The following NCOA1 variants were observed in gnomAD, a reference collection of about 807,000 sequenced individuals.
The protein encoded by NCOA1 is Hin-2 protein.
In NCOA1, 35 loss-of-function variants were observed where a neutral mutation model predicts 150.9. That is an observed-to-expected ratio of 0.23 (90% confidence interval 0.18 to 0.31). The LOEUF (loss-of-function observed/expected upper bound fraction) is 0.31. Among genes scored for constraint, NCOA1 ranks in the 10% least tolerant of loss-of-function variants. The pLI is 1.00. For synonymous variants in NCOA1, 590 were observed against 630.0 expected, an observed-to-expected ratio of 0.94 and a Z score of 0.95; for missense variants, 1,491 against 1,749.3, an observed-to-expected ratio of 0.85 and a Z score of 2.63.
At position 24,758,175 on chromosome 2, in the gene NCOA1, A is replaced by G. The variant is rs1664596703; in HGVS notation, c.4065+19A>G. The G allele has an allele frequency of 1.3e-6, 2 of 1,597,216 alleles. No homozygotes were observed. Among genetic ancestry groups the G allele is most frequent in the African/African-American group, 2.7e-5 (2 of 74,806 alleles). The stretch of plus-strand genomic sequence containing the variant: ...TGAGCAGGTAAGTGGCACACTCGCC[A>G]CACACATGCCACACCACATCACAGT... On this transcript the variant is annotated intron_variant, in intron 21 of 22. Coordinates refer to ENST00000348332, the MANE Select transcript of NCOA1 (RefSeq NM_003743.5).
chr2:24,516,186 CTTTTTT>C (rs755818385), intron 1 of NCOA1, among the ~76,000 whole-genome samples: 4 of 92,986 alleles, frequency 4.3e-5, no homozygotes, highest in Non-Finnish European at 8.0e-5. Flanking sequence ...TAGGTTTTGC[CTTTTTT>C]TTTTTTTTTT....
At chr2:24,558,725 G>A (rs976168955) in intron 1 of NCOA1, among the ~76,000 whole-genome samples, 1 of 152,178 alleles carries the variant, frequency 6.6e-6, no homozygotes. Flanking sequence ...CACCAAATTA[G>A]GAGACAGGAG....
rs368992802 is a variant in NCOA1, at chr2:24,619,680, G to T, written c.-174-24286G>T. The stretch of plus-strand genomic sequence containing the variant: ...ATACTTATGGTGTAATTATTTGGTC[G>T]GGGCAGGGGGACAGATTGGTTTTGA... On this transcript the variant is annotated intron_variant, in intron 3 of 22. Coordinates refer to ENST00000348332, the MANE Select transcript of NCOA1 (RefSeq NM_003743.5). Among the ~76,000 whole-genome samples the T allele has an allele frequency of 1.2e-4, 19 of 152,206 alleles. No individual in the cohort carries two copies. In the East Asian group the frequency reaches 2.3e-3, roughly 19 times the overall value.
At chr2:24,581,179 G>A (rs1394608586) in intron 2 of NCOA1, among the ~76,000 whole-genome samples, 1 of 152,206 alleles carries the variant, frequency 6.6e-6, no homozygotes, top group African/African-American at 2.4e-5. Context: ...GATGGTGAAA[G>A]GCCTGACTCT....
intron 2 of NCOA1, among the ~76,000 whole-genome samples, chr2:24,578,884 G>A (rs1438496080): frequency 1.3e-5 from 2 of 152,088 alleles, no homozygotes; most frequent in African/African-American, 4.8e-5. Context: ...GGCCAACAGT[G>A]AAAATTTTGA....
intron 5 of NCOA1, among the ~76,000 whole-genome samples, chr2:24,660,112 CAAGT>C (rs1379563487): frequency 6.6e-6 from 1 of 152,058 alleles, no homozygotes; most frequent in East Asian, 1.9e-4. Flanking sequence ...CTCATAATCA[CAAGT>C]AAGTGTCCAG....
rs200963004 is a variant in NCOA1, at chr2:24,691,673, G to C, written c.712+13G>C. ...GAGGATGGAGAAGGTAAAGCCAAAC[G>C]GTCTTTTTAAAGTGTTTATTTCTTC... is the stretch of plus-strand genomic sequence containing the variant. On this transcript the variant is annotated intron_variant, in intron 9 of 22. Coordinates refer to ENST00000348332, the MANE Select transcript of NCOA1 (RefSeq NM_003743.5). 1.3e-5 allele frequency: 21 copies of C among 1,609,184 alleles called. No homozygotes were observed. The highest frequency in any genetic ancestry group is 1.8e-5 in the Non-Finnish European group (21 of 1,177,108).
At chr2:24,689,284 G>A (rs1001772211) in intron 8 of NCOA1, among the ~76,000 whole-genome samples, 2 of 152,232 alleles carry the variant, frequency 1.3e-5, no homozygotes, top group Middle Eastern at 3.4e-3. Flanking sequence ...GATAGGAATA[G>A]CATTGAATCT....
chr2:24,536,425 A>T (rs1665145962), intron 1 of NCOA1, among the ~76,000 whole-genome samples: 1 of 152,038 alleles, frequency 6.6e-6, no homozygotes, highest in South Asian at 2.1e-4. Context: ...GAAGTTTGTT[A>T]TTACTGACTT....
intron 1 of NCOA1, among the ~76,000 whole-genome samples, chr2:24,542,329 A>G (rs1041537261): frequency 7.2e-5 from 11 of 152,194 alleles, no homozygotes; most frequent in Non-Finnish European, 1.3e-4. Context: ...AATTCTACAA[A>G]TATTCAAAGG....
intron 3 of NCOA1, among the ~76,000 whole-genome samples, chr2:24,600,835 T>C (rs553644717): frequency 6.6e-5 from 10 of 152,356 alleles, no homozygotes; most frequent in African/African-American, 2.4e-4. Context: ...ATTGCATTCA[T>C]AGCAATTTAT....
intron 14 of NCOA1, among the ~76,000 whole-genome samples, chr2:24,718,423 CATACATTTACCATGTA>C (rs1674168476): frequency 6.6e-6 from 1 of 152,110 alleles, no homozygotes; most frequent in Non-Finnish European, 1.5e-5. Flanking sequence ...TAAAGTTAAT[CATACATTTACCATGTA>C]ACCCAACAGT....
intron 1 of NCOA1, among the ~76,000 whole-genome samples, chr2:24,516,768 G>A (rs1664186851): frequency 6.9e-6 from 1 of 145,436 alleles, no homozygotes; most frequent in African/African-American, 2.5e-5. Context: ...TCCCATTGCT[G>A]TGAAGTTGCC....
rs182203824 is a variant in NCOA1 at position 24,725,156 on chromosome 2, C to T, written c.2600-1433C>T. Among the ~76,000 whole-genome samples the T allele has an allele frequency of 6.8e-4, 103 of 152,172 alleles. 1 individual carries two copies. Among genetic ancestry groups the T allele is most frequent in the South Asian group, 5.6e-3 (27 of 4,824 alleles). On this transcript the variant is annotated intron_variant, in intron 14 of 22. Transcript: ENST00000348332. ...GCATTAAGTACATTTTGGGAAGCAT[C>T]CTTAAATCTACTTATTCTTCATTCA...
At chr2:24,582,371 C>A (rs950381567) in intron 2 of NCOA1, among the ~76,000 whole-genome samples, 1 of 151,798 alleles carries the variant, frequency 6.6e-6, no homozygotes, top group Non-Finnish European at 1.5e-5. Flanking sequence ...ACAAAAAAAC[C>A]CCACCTAGGA....
intron 4 of NCOA1, among the ~76,000 whole-genome samples, chr2:24,649,351 A>G (rs1004989333): frequency 6.6e-6 from 1 of 152,252 alleles, no homozygotes; most frequent in Non-Finnish European, 1.5e-5. Context: ...GCAAGTAAAT[A>G]TTAAATACTT....
chr2:24,696,023 G>GTCA (rs977852949), intron 10 of NCOA1, among the ~76,000 whole-genome samples: 3 of 152,010 alleles, frequency 2.0e-5, no homozygotes, highest in Admixed American at 6.6e-5. Context: ...AAGAAACAAG[G>GTCA]GTTGAACAAT....
At chr2:24,605,446 T>A (rs13417250) in intron 3 of NCOA1, among the ~76,000 whole-genome samples, 1 of 152,262 alleles carries the variant, frequency 6.6e-6, no homozygotes, top group Admixed American at 6.5e-5. Context: ...TTTATTTTCC[T>A]GGGTTTATAC....
chr2:24,641,119 A>C (rs1232687379), intron 3 of NCOA1, among the ~76,000 whole-genome samples: 2 of 151,782 alleles, frequency 1.3e-5, no homozygotes, highest in Non-Finnish European at 2.9e-5. Flanking sequence ...ACTCTTTTAT[A>C]ATTTTTAAGT....
Sources: gnomAD v4.1 joint callset for allele counts (sites outside exome capture counted in the v4.1 genomes callset) on GRCh38, gnomAD v4.1.1 for gene constraint, MANE v1.5 for transcripts, NCBI Gene and HGNC (gene_info 2026-07-23, HGNC 2026-07-21) for gene names.